The following CDH4 variants were observed in gnomAD, a reference collection of about 807,000 sequenced individuals.
CDH4 encodes cadherin 4, also known as cadherin-4.
In CDH4, 33 loss-of-function variants were observed where a neutral mutation model predicts 86.0. That is an observed-to-expected ratio of 0.38 (90% confidence interval 0.29 to 0.51). The LOEUF (loss-of-function observed/expected upper bound fraction) is 0.51. CDH4 is among the 20% of genes least tolerant of loss of function. CDH4 has a pLI of 0.86. For synonymous variants in CDH4, 555 were observed against 549.4 expected, an observed-to-expected ratio of 1.01 and a Z score of -0.14; for missense variants, 1,114 against 1,307.4, an observed-to-expected ratio of 0.85 and a Z score of 2.28.
chr20:61,798,122 C>A (rs1600999170), intron 4 of CDH4, among the ~76,000 whole-genome samples: 2 of 152,330 alleles, frequency 1.3e-5, no homozygotes, highest in East Asian at 3.9e-4. Flanking sequence ...CCGGGTCACA[C>A]CGTCAGTCAC....
intron 2 of CDH4, among the ~76,000 whole-genome samples, chr20:61,354,575 C>A (rs2123307987): frequency 6.6e-6 from 1 of 152,300 alleles, no homozygotes; most frequent in East Asian, 1.9e-4. Flanking sequence ...CTTTCCCTTG[C>A]CCCACATCTG....
At chr20:61,727,270 GTCA>G (rs1204945221) in intron 2 of CDH4, among the ~76,000 whole-genome samples, 2 of 151,032 alleles carry the variant, frequency 1.3e-5, no homozygotes, top group Non-Finnish European at 2.9e-5. Flanking sequence ...CACCATCAGA[GTCA>G]TCATCATCAA....
chr20:61,500,193 G>A (rs1390918789), intron 2 of CDH4, among the ~76,000 whole-genome samples: 12 of 152,188 alleles, frequency 7.9e-5, no homozygotes, highest in Non-Finnish European at 1.5e-5. Flanking sequence ...CTACTGTTGT[G>A]TTTGTCAAAT....
intron 2 of CDH4, among the ~76,000 whole-genome samples, chr20:61,707,931 C>T (rs1165764720): frequency 1.3e-5 from 2 of 152,278 alleles, no homozygotes; most frequent in Non-Finnish European, 2.9e-5. Flanking sequence ...CCACGTTATG[C>T]CTGCGGATGA....
chr20:61,565,228 T>TGGTGGTGGCGGTGCTCTCGGTGGTA lies in CDH4; in HGVS notation c.170-178327_170-178326insCGGTGCTCTCGGTGGTAGGTGGTGG, dbSNP rs2086269577. ...TCGCGGTGCTCTCGGTGGTAGGTGG[T>TGGTGGTGGCGGTGCTCTCGGTGGTA]GGTGGTGGTGGTGGCGGTGCTCTTG... On this transcript the variant is annotated intron_variant, in intron 2 of 15. Coordinates refer to ENST00000614565, the MANE Select transcript of CDH4 (RefSeq NM_001794.5). 3.1e-4 allele frequency among the ~76,000 whole-genome samples: 9 copies of TGGTGGTGGCGGTGCTCTCGGTGGTA among 29,272 alleles called. 2 individuals are homozygous for TGGTGGTGGCGGTGCTCTCGGTGGTA. The South Asian group carries it at 6.9e-3, about 22-fold the overall frequency. 19.2% of individuals were successfully genotyped at this position (29,272 alleles called of 152,430 possible).
intron 2 of CDH4, among the ~76,000 whole-genome samples, chr20:61,473,208 A>G (rs2085516012): frequency 6.6e-6 from 1 of 152,266 alleles, no homozygotes; most frequent in East Asian, 1.9e-4. Context: ...ATAGATAAGA[A>G]TAAGGTGGTA....
At chr20:61,778,494 G>C (rs941477995) in intron 4 of CDH4, among the ~76,000 whole-genome samples, 11 of 152,106 alleles carry the variant, frequency 7.2e-5, no homozygotes, top group South Asian at 2.1e-4. Context: ...AGGGAAATAG[G>C]TAACCTACTT....
At chr20:61,833,163 T>G (rs190541747) in intron 4 of CDH4, among the ~76,000 whole-genome samples, 88 of 152,122 alleles carry the variant, frequency 5.8e-4, no homozygotes, top group African/African-American at 2.0e-3. Context: ...CCCACACCAC[T>G]CCAGGATAGG....
chr20:61,377,124 A>G lies in CDH4; in HGVS notation c.169+122187A>G, dbSNP rs2084876848. ...GTTGCCAAGGTAACTGGGGATTTGG[A>G]AGGGACAGCCAAGTGACATATTCTG... is the stretch of plus-strand genomic sequence containing the variant. On this transcript the variant is annotated intron_variant, in intron 2 of 15. Coordinates refer to ENST00000614565, the MANE Select transcript of CDH4 (RefSeq NM_001794.5). This position sits in a 1 kb window ranked among gnomAD's most constrained non-coding sequence, Gnocchi z 4.0. Among the ~76,000 whole-genome samples, 1 of 152,152 alleles carries G rather than the reference A, an allele frequency of 6.6e-6. No individual in the cohort carries two copies.
intron 4 of CDH4, among the ~76,000 whole-genome samples, chr20:61,837,342 G>A (rs1226927033): frequency 6.6e-6 from 1 of 152,162 alleles, no homozygotes; most frequent in African/African-American, 2.4e-5. Context: ...TGGCAGGGAG[G>A]GAACTCTTCT....
intron 2 of CDH4, among the ~76,000 whole-genome samples, chr20:61,533,316 G>A (rs922172971): frequency 5.9e-5 from 9 of 152,140 alleles, no homozygotes; most frequent in African/African-American, 9.7e-5. Flanking sequence ...GGGAAGGATC[G>A]GACACCCAGG....
chr20:61,719,941 C>T (rs1217155994), intron 2 of CDH4, among the ~76,000 whole-genome samples: 1 of 152,156 alleles, frequency 6.6e-6, no homozygotes, highest in Non-Finnish European at 1.5e-5. Context: ...TAAGACATTG[C>T]GGTGTGCTCC....
chr20:61,673,480 G>C (rs2087412435), intron 2 of CDH4, among the ~76,000 whole-genome samples: 1 of 152,240 alleles, frequency 6.6e-6, no homozygotes, highest in African/African-American at 2.4e-5. Context: ...TAGCAAGCAA[G>C]GAGGCAGTTG....
intron 2 of CDH4, among the ~76,000 whole-genome samples, chr20:61,448,303 T>C (rs1444202996): frequency 6.6e-6 from 1 of 152,224 alleles, no homozygotes; most frequent in Non-Finnish European, 1.5e-5. Flanking sequence ...GCGATGTTTA[T>C]GAAACAAACC....
chr20:61,529,684 A>G (rs1182572750), intron 2 of CDH4, among the ~76,000 whole-genome samples: 1 of 152,046 alleles, frequency 6.6e-6, no homozygotes, highest in Non-Finnish European at 1.5e-5. Flanking sequence ...GTTCATGGTG[A>G]GCGAGGGCCT....
At chr20:61,763,077 G>A (rs1027606416) in intron 3 of CDH4, among the ~76,000 whole-genome samples, 3 of 152,234 alleles carry the variant, frequency 2.0e-5, no homozygotes, top group African/African-American at 4.8e-5. Context: ...GGACCTGGCC[G>A]CTGGGCGGGA....
At chr20:61,414,942 A>G (rs2085138624) in intron 2 of CDH4, among the ~76,000 whole-genome samples, 1 of 152,186 alleles carries the variant, frequency 6.6e-6, no homozygotes, top group African/African-American at 2.4e-5. Context: ...GTGCCTCTCC[A>G]TGGACCGGAG....
chr20:61,823,715 A>G (rs187339218), intron 4 of CDH4, among the ~76,000 whole-genome samples: 1 of 152,286 alleles, frequency 6.6e-6, no homozygotes, highest in Non-Finnish European at 1.5e-5. Context: ...TTTGAACCCA[A>G]CTGAATTGCT....
intron 2 of CDH4, among the ~76,000 whole-genome samples, chr20:61,442,002 G>C (rs750265813): frequency 4.6e-5 from 7 of 152,160 alleles, no homozygotes; most frequent in Non-Finnish European, 8.8e-5. Context: ...CCAATCGTTT[G>C]TATCAGCATA....
Sources: allele counts gnomAD v4.1 joint callset (sites outside exome capture counted in the v4.1 genomes callset), GRCh38; gene constraint gnomAD v4.1.1; non-coding constraint Gnocchi (gnomAD v3.1); transcripts MANE v1.5; gene names NCBI Gene and HGNC (gene_info 2026-07-23, HGNC 2026-07-21).